The following CCNT1 variants were observed in gnomAD, a reference collection of about 807,000 sequenced individuals.
CCNT1 encodes cyclin T1, also known as cyclin-T1.
A neutral mutation model predicts 67.3 loss-of-function variants in CCNT1; 18 were observed. The observed-to-expected ratio is 0.27, with a 90% confidence interval of 0.18 to 0.40. The LOEUF is 0.40. Ranked by LOEUF, CCNT1 falls within the 10% of genes least tolerant of loss-of-function variation. The pLI, the probability that CCNT1 is intolerant of heterozygous loss-of-function variation, is 1.00. For missense variants in CCNT1, 744 were observed against 884.9 expected, an observed-to-expected ratio of 0.84 and a Z score of 2.02; for synonymous variants, 333 against 310.3, an observed-to-expected ratio of 1.07 and a Z score of -0.77.
intron 8 of CCNT1, among the ~76,000 whole-genome samples, 174 bp downstream of exon 8, chr12:48,695,585 T>C (rs995104625): frequency 3.3e-5 from 5 of 152,170 alleles, no homozygotes; most frequent in Admixed American, 6.5e-5. Flanking sequence ...TGCTATCCCA[T>C]AGAGACACTG....
intron 2 of CCNT1, among the ~76,000 whole-genome samples, chr12:48,711,737 G>T (rs984818005): frequency 6.6e-6 from 1 of 152,216 alleles, no homozygotes; most frequent in African/African-American, 2.4e-5. Flanking sequence ...GGCATGACTA[G>T]AGGTACAGGG....
At chr12:48,695,142 T>C (rs1009711452) in intron 8 of CCNT1, among the ~76,000 whole-genome samples, 2 of 152,186 alleles carry the variant, frequency 1.3e-5, no homozygotes, top group Admixed American at 6.5e-5. Flanking sequence ...CTACTTCTAA[T>C]CTCAGGCTTC....
chr12:48,692,973 A>G lies in CCNT1; in HGVS notation c.*60T>C. The G allele has an allele frequency of 2.6e-6, 3 of 1,174,204 alleles. No individual in the cohort carries two copies. The highest frequency in any genetic ancestry group is 3.5e-6 in the Non-Finnish European group (3 of 848,704). The allele number at this position is 1,174,204 out of a possible 1,614,324, so 72.7% of individuals were successfully genotyped here. On this transcript the variant is annotated 3_prime_UTR_variant, in exon 9 of 9. Coordinates refer to ENST00000261900, the MANE Select transcript of CCNT1 (RefSeq NM_001240.4). ...TAAGTAATTTTCTTAGTCCAAAAAAAAAAAAGAAAAATTATGTGTTTTTTT... is the reference window on the plus strand; with the variant it reads ...TAAGTAATTTTCTTAGTCCAAAAAAGAAAAAGAAAAATTATGTGTTTTTTT...
At chr12:48,705,309 T>C (rs529408896) in intron 3 of CCNT1, among the ~76,000 whole-genome samples, 1 of 150,242 alleles carries the variant, frequency 6.7e-6, no homozygotes, top group African/African-American at 2.5e-5. Context: ...GTTGTTTTTC[T>C]TTTTTTGTAG....
In CCNT1 at chr12:48,699,806, A is replaced by G. The variant is rs901377776; in HGVS notation, c.468T>C (p.His156=). The G allele has an allele frequency of 7.5e-6, 12 of 1,610,162 alleles. No individual in the cohort carries two copies. The highest frequency in any genetic ancestry group is 1.3e-5 in the African/African-American group (1 of 74,940). Residue 156 remains histidine (H), a synonymous_variant, in exon 5 of 9, where the codon CAT becomes CAC. Transcript: ENST00000261900. ...GAACAAGTTGAGTGCACTTTACTAC[A>G]TGAGTATGTGGGTGATCAATTGTTA... ...FELTIDHPHT[H]VVKCTQLVRA...
chr12:48,701,217 CTTTTTTT>C (rs539754445), intron 3 of CCNT1, 144 bp from the exon 4 acceptor site: 75 of 92,906 alleles, frequency 8.1e-4, no homozygotes, highest in South Asian at 4.7e-3. Context: ...GAAATACAAT[CTTTTTTT>C]TTTTTTTTTT....
At chr12:48,698,783 C>T (rs894632296) in intron 5 of CCNT1, among the ~76,000 whole-genome samples, 4 of 152,084 alleles carry the variant, frequency 2.6e-5, no homozygotes, top group African/African-American at 4.8e-5. Context: ...CATGGAGAAA[C>T]CCCGTCTCTA....
At chr12:48,715,301 C>T (rs1258629787) in intron 1 of CCNT1, among the ~76,000 whole-genome samples, 1 of 152,198 alleles carries the variant, frequency 6.6e-6, no homozygotes, top group Non-Finnish European at 1.5e-5. Context: ...TTAAGATACA[C>T]ACATTACTGT....
chr12:48,699,941 C>A, intron 4 of CCNT1, 101 bp from the exon 5 acceptor site: 2 of 665,642 alleles, frequency 3.0e-6, no homozygotes, highest in Non-Finnish European at 2.6e-6. Flanking sequence ...TTACTGGTTT[C>A]CACACTAAAA....
chr12:48,701,803 T>C (rs1766248447), intron 3 of CCNT1, among the ~76,000 whole-genome samples: 1 of 151,552 alleles, frequency 6.6e-6, no homozygotes, highest in South Asian at 2.1e-4. Context: ...ACGAGGTTTC[T>C]CCATGTTGGT....
chr12:48,709,948 C>T (rs762936218), intron 2 of CCNT1, among the ~76,000 whole-genome samples: 6 of 150,972 alleles, frequency 4.0e-5, no homozygotes, highest in South Asian at 2.1e-4. Context: ...TGGAGTGCAA[C>T]GGCACGATCT....
In CCNT1 at chr12:48,693,529, GA is replaced by G; in HGVS notation, c.1684del (p.Ser562LeufsTer39). On this transcript the variant is annotated frameshift_variant, in exon 9 of 9. Coordinates refer to ENST00000261900, the MANE Select transcript of CCNT1 (RefSeq NM_001240.4). LOFTEE classifies it high-confidence loss of function. ...AGAACTGGAAGAGGAAAAAGAACTA[GA>G]CAAGCTATAGGTTTTATGTGCTAAG... ...SNLAHKTYSL[S>X]SSFSSSSSTR... 1 of 1,614,162 alleles carries G rather than the reference GA, an allele frequency of 6.2e-7. No homozygotes were observed. The highest frequency in any genetic ancestry group is 8.5e-7 in the Non-Finnish European group (1 of 1,180,034).
Position 48,694,731 on chromosome 12 carries a change from C to A in CCNT1, c.778-295G>T, listed in dbSNP as rs556941825. 1.9e-4 allele frequency among the ~76,000 whole-genome samples: 29 copies of A among 152,312 alleles called. No individual in the cohort carries two copies. In the South Asian group the frequency reaches 5.8e-3, roughly 30 times the overall value. ...GCCTTCGCTTATGATTATAGTTAGT[C>A]CATAACTGAGTTCTAGAAATTTTGG... is the stretch of plus-strand genomic sequence containing the variant. On this transcript the variant is annotated intron_variant, in intron 8 of 8. Transcript: ENST00000261900.
At position 48,705,544 on chromosome 12, in the gene CCNT1, A is replaced by AT. The variant is rs1940343095; in HGVS notation, c.372+223dup. ...CACCTTACCCTCCCAAAGTGCTAGG[A>AT]TTACAGGTATGGTGAGCCACCATAC... is the stretch of plus-strand genomic sequence containing the variant. On this transcript the variant is annotated intron_variant, in intron 3 of 8. Coordinates refer to ENST00000261900, the MANE Select transcript of CCNT1 (RefSeq NM_001240.4). 1.8e-5 allele frequency: 9 copies of AT among 499,454 alleles called. No homozygotes were observed. The South Asian group carries it at 2.2e-4, about 12-fold the overall frequency. The allele number at this position is 499,454 out of a possible 1,614,324, so 30.9% of individuals were successfully genotyped here. A position where few individuals can be genotyped will look rare whatever the true frequency, so the allele number is the denominator to read the frequency against.
In CCNT1 at chr12:48,698,203, G is replaced by C; in HGVS notation, c.497-20C>G. 2.1e-6 allele frequency: 2 copies of C among 969,540 alleles called. No homozygotes were observed. The highest frequency in any genetic ancestry group is 2.9e-6 in the Non-Finnish European group (2 of 689,200). The allele number at this position is 969,540 out of a possible 1,614,324, so 60.1% of individuals were successfully genotyped here. ...TGCTTGCTAAAGAAAAAAAAAAAAA[G>C]TCAGGGGTGGGGGAGGAAAAAAGTT... On this transcript the variant is annotated intron_variant, in intron 5 of 8. Coordinates refer to ENST00000261900, the MANE Select transcript of CCNT1 (RefSeq NM_001240.4).
At chr12:48,707,714 A>G (rs1940384282) in intron 2 of CCNT1, among the ~76,000 whole-genome samples, 1 of 152,252 alleles carries the variant, frequency 6.6e-6, no homozygotes, top group African/African-American at 2.4e-5. Flanking sequence ...AATATTTAGA[A>G]GGAGTAATCT....
intron 2 of CCNT1, among the ~76,000 whole-genome samples, chr12:48,710,148 T>C (rs553780416): frequency 1.3e-5 from 2 of 151,712 alleles, no homozygotes; most frequent in Admixed American, 1.3e-4. Context: ...CAACTCGGCC[T>C]CCCAAAGTGC....
chr12:48,715,766 ACCT>A (rs1220950807), intron 1 of CCNT1, among the ~76,000 whole-genome samples: 1 of 152,152 alleles, frequency 6.6e-6, no homozygotes, highest in African/African-American at 2.4e-5. Context: ...TCCAGCCGTT[ACCT>A]CATTTTTGAA....
At position 48,698,196 on chromosome 12, in the gene CCNT1, A is replaced by AC. The variant is rs768810023; in HGVS notation, c.497-14_497-13insG. 27 of 1,566,318 alleles carry AC rather than the reference A, an allele frequency of 1.7e-5. No homozygotes were observed. Among genetic ancestry groups the AC allele is most frequent in the Admixed American group, 3.9e-5 (2 of 50,898 alleles). On this transcript the variant is annotated splice_polypyrimidine_tract_variant and intron_variant, in intron 5 of 8. Transcript: ENST00000261900. ...AAGTCCTTGCTTGCTAAAGAAAAAA[A>AC]AAAAAAGTCAGGGGTGGGGGAGGAA... is the stretch of plus-strand genomic sequence containing the variant.
Sources: gnomAD v4.1 joint callset for allele counts (sites outside exome capture counted in the v4.1 genomes callset) on GRCh38, gnomAD v4.1.1 for gene constraint, MANE v1.5 for transcripts, NCBI Gene and HGNC (gene_info 2026-07-23, HGNC 2026-07-21) for gene names.